The following RABEP2 variants were observed in gnomAD, a reference collection of about 807,000 sequenced individuals.
RABEP2 encodes rab GTPase-binding effector protein 2.
Under a neutral mutation model 74.1 loss-of-function variants are expected in RABEP2, and 57 were observed. The observed-to-expected ratio is 0.77, with a 90% CI of 0.62 to 0.96. RABEP2 has a LOEUF of 0.96. RABEP2 is among the 40% of genes least tolerant of loss of function. RABEP2 has a pLI of 0.00. For synonymous variants in RABEP2, 351 were observed against 344.0 expected (o/e 1.02, Z -0.23); for missense variants, 692 against 756.3 (o/e 0.91, Z 1.00).
At chr16:28,914,901 TC>T in intron 3 of RABEP2, 119 bp from the exon 4 acceptor site, 1 of 780,826 alleles carries the variant, frequency 1.3e-6, no homozygotes, top group Non-Finnish European at 2.1e-6. Flanking sequence ...GAAGGTGCTG[TC>T]CACCCTCATT....
intron 2 of RABEP2, among the ~76,000 whole-genome samples, chr16:28,920,258 G>C (rs1964452639): frequency 6.6e-6 from 1 of 151,732 alleles, no homozygotes; most frequent in South Asian, 2.1e-4. Context: ...AGATGACACA[G>C]GCAAGGTGTC....
chr16:28,920,046 A>C (rs1964449804), intron 2 of RABEP2, 103 bp from the exon 3 acceptor site: 1 of 1,298,208 alleles, frequency 7.7e-7, no homozygotes, highest in African/African-American at 1.5e-5. Context: ...TCTGTGAGAC[A>C]ATCTACCATA....
At chr16:28,910,858 C>A in intron 7 of RABEP2, 30 bp downstream of exon 7, 1 of 1,579,888 alleles carries the variant, frequency 6.3e-7, no homozygotes. Flanking sequence ...GACTCCTCGC[C>A]CTCCTGCCCT....
chr16:28,911,085 T>C lies in RABEP2; in HGVS notation c.989A>G (p.Gln330Arg). ...LRRSNEDCAKQMQVLLAQVQN... is the reference protein window; with the variant it reads ...LRRSNEDCAKRMQVLLAQVQN... ...GCTGCAGCAGCGGCAGGGACCCACC[T>C]GCTTGGCACAGTCCTCATTGCTCCG... The change falls in exon 6 of 13, where the codon CAG becomes CGG. Residue 330 changes from glutamine (Q) to arginine (R), a missense_variant and splice_region_variant. Coordinates refer to ENST00000358201, the MANE Select transcript of RABEP2 (RefSeq NM_024816.3). 3 of 1,613,130 alleles carry C rather than the reference T, an allele frequency of 1.9e-6. No homozygotes were observed. The highest frequency in any genetic ancestry group is 2.5e-6 in the Non-Finnish European group (3 of 1,179,888).
intron 8 of RABEP2, 82 bp from the exon 9 acceptor site, chr16:28,906,278 G>A (rs1418053222): frequency 1.5e-5 from 21 of 1,440,550 alleles, no homozygotes; most frequent in Middle Eastern, 2.6e-4. Context: ...GGGGATTGTC[G>A]GGAGGAACGG....
chr16:28,909,417 A>G (rs1246390916), intron 7 of RABEP2, among the ~76,000 whole-genome samples: 3 of 152,098 alleles, frequency 2.0e-5, no homozygotes, highest in Admixed American at 1.3e-4. Flanking sequence ...GCCAATTCTA[A>G]AAATTAAGAG....
intron 2 of RABEP2, 26 bp from the exon 3 acceptor site, chr16:28,919,969 G>C: frequency 6.5e-7 from 1 of 1,549,830 alleles, no homozygotes; most frequent in East Asian, 2.3e-5. Context: ...GAGGGTGGGA[G>C]AGAGGGAGGG....
Position 28,914,434 on chromosome 16 carries a change from G to A in RABEP2, c.696C>T (p.Ala232=). 3 of 1,613,582 alleles carry A rather than the reference G, an allele frequency of 1.9e-6. No homozygotes were observed. Among genetic ancestry groups the A allele is most frequent in the South Asian group, 2.2e-5 (2 of 91,084 alleles). The stretch of plus-strand genomic sequence containing the variant: ...CGCCAAGGGAGAAGGAGGAGATGGA[G>A]GCGCTGTCATCGCAGTTGTGAGCGA... The part of the protein sequence containing the change: ...EAFAHNCDDS[A]SISSFSLGGG... Residue 232 remains alanine, a synonymous_variant, in exon 5 of 13, where the codon GCC becomes GCT. Coordinates refer to ENST00000358201, the MANE Select transcript of RABEP2 (RefSeq NM_024816.3).
In RABEP2 at chr16:28,905,425, TC is replaced by T; in HGVS notation, c.1579del (p.Asp527IlefsTer13). The stretch of plus-strand genomic sequence containing the variant: ...CAGGGCCTGGGACAGTCGCACGAAA[TC>T]CCTCTGCACCTGCTCACTGGTCTCC... ...ELETSEQVQR[D>X]FVRLSQALQV... is the part of the protein sequence containing the mutation. On this transcript the variant is annotated frameshift_variant, in exon 12 of 13. Coordinates refer to ENST00000358201, the MANE Select transcript of RABEP2 (RefSeq NM_024816.3). LOFTEE classifies it high-confidence loss of function. 1.9e-6 allele frequency: 3 copies of T among 1,607,332 alleles called. No homozygotes were observed. Among genetic ancestry groups the T allele is most frequent in the Non-Finnish European group, 2.5e-6 (3 of 1,177,932 alleles).
rs76895376 is a variant in RABEP2 at position 28,906,922 on chromosome 16, G to T, written c.1246-726C>A. ...TACAGTGAATCGAGATGGTGCCACT[G>T]CACTCCAGCTGGGGCGACAGAGCGA... On this transcript the variant is annotated intron_variant, in intron 8 of 12. Coordinates refer to ENST00000358201, the MANE Select transcript of RABEP2 (RefSeq NM_024816.3). Among the ~76,000 whole-genome samples, 3 of 152,110 alleles carry T rather than the reference G, an allele frequency of 2.0e-5. No individual in the cohort carries two copies. In the East Asian group the frequency reaches 5.8e-4, roughly 29 times the overall value.
At position 28,911,071 on chromosome 16, in the gene RABEP2, G is replaced by A. The variant is rs753771893; in HGVS notation, c.990+13C>T. 2.0e-5 allele frequency: 32 copies of A among 1,612,454 alleles called. No individual in the cohort carries two copies. Among genetic ancestry groups the A allele is most frequent in the African/African-American group, 6.7e-5 (5 of 74,910 alleles). On this transcript the variant is annotated intron_variant, in intron 6 of 12. Transcript: ENST00000358201. Reference sequence around the variant, plus strand: ...AGAGGCCGGCTGGGGCTGCAGCAGCGGCAGGGACCCACCTGCTTGGCACAG... The same window carrying A: ...AGAGGCCGGCTGGGGCTGCAGCAGCAGCAGGGACCCACCTGCTTGGCACAG...
In RABEP2 at chr16:28,905,414, G is replaced by A. The variant is rs1964211076; in HGVS notation, c.1591C>T (p.Leu531=). Reference sequence around the variant, plus strand: ...GGCCATACCTGCAGGGCCTGGGACAGTCGCACGAAATCCCTCTGCACCTGC... The same window carrying A: ...GGCCATACCTGCAGGGCCTGGGACAATCGCACGAAATCCCTCTGCACCTGC... ...SEQVQRDFVR[L]SQALQVRLER... The change falls in exon 12 of 13, where the codon CTG becomes TTG. Residue 531 remains leucine, a synonymous_variant. Transcript: ENST00000358201. The A allele has an allele frequency of 6.2e-7, 1 of 1,606,286 alleles. No homozygotes were observed. Among genetic ancestry groups the A allele is most frequent in the African/African-American group, 1.3e-5 (1 of 74,874 alleles).
chr16:28,908,976 C>A (rs1031215850), intron 7 of RABEP2, among the ~76,000 whole-genome samples: 1 of 150,554 alleles, frequency 6.6e-6, no homozygotes, highest in Non-Finnish European at 1.5e-5. Flanking sequence ...CTGCCAGGGC[C>A]CAAGCCAGAT....
rs768875713 is a variant in RABEP2 at position 28,906,000 on chromosome 16, C to T, written c.1423+19G>A. 56 of 1,608,728 alleles carry T rather than the reference C, an allele frequency of 3.5e-5. No individual in the cohort carries two copies. Among genetic ancestry groups the T allele is most frequent in the Non-Finnish European group, 4.5e-5 (53 of 1,178,162 alleles). ...GGGGCCCTGGGCCCGGGGCTGGGGG[C>T]TTGTGCCCCTCCCCTCACCTGTCTC... On this transcript the variant is annotated intron_variant, in intron 9 of 12. Transcript: ENST00000358201.
At chr16:28,921,692 G>A (rs1487247167) in intron 2 of RABEP2, among the ~76,000 whole-genome samples, 2 of 143,890 alleles carry the variant, frequency 1.4e-5, no homozygotes, top group East Asian at 2.0e-4. Context: ...AGGTTCGGGC[G>A]CTGTGGCTCA....
chr16:28,924,844 G>C (rs1964512870), intron 1 of RABEP2: 3 of 720,858 alleles, frequency 4.2e-6, no homozygotes, highest in East Asian at 5.4e-5. Context: ...TCCTCTCTTC[G>C]GTCCCACCTG....
rs1440556153 is a variant in RABEP2, at chr16:28,905,706, T to C, written c.1489A>G (p.Lys497Glu). The stretch of plus-strand genomic sequence containing the variant: ...AGTCCCCCTGCCCTCCCCCTCACCT[T>C]GCTCTGTTCCTGCTGCACCCGCTCC... ...EMERVQQEQS[K>E]AQLPDLLSEQ... Residue 497 changes from lysine (K) to glutamate (E), a missense_variant and splice_region_variant, in exon 11 of 13, where the codon AAG becomes GAG. Coordinates refer to ENST00000358201, the MANE Select transcript of RABEP2 (RefSeq NM_024816.3). 1 of 1,613,726 alleles carries C rather than the reference T, an allele frequency of 6.2e-7. No homozygotes were observed. The highest frequency in any genetic ancestry group is 1.3e-5 in the African/African-American group (1 of 74,916).
At chr16:28,925,071 T>C in intron 1 of RABEP2, 32 bp downstream of exon 1, 1 of 1,535,466 alleles carries the variant, frequency 6.5e-7, no homozygotes, top group Non-Finnish European at 8.7e-7. Flanking sequence ...AGCATCACCG[T>C]TCCCCGCTTG....
chr16:28,904,679 C>T lies in RABEP2; in HGVS notation c.*264G>A, dbSNP rs544457202. 1.7e-3 allele frequency: 1,140 copies of T among 673,922 alleles called. 10 individuals carry two copies. The African/African-American group carries it at 0.019, about 11-fold the overall frequency. 41.7% of individuals were successfully genotyped at this position (673,922 alleles called of 1,614,324 possible). ...TGGAGCCCAGGAGGCAGCACAGCAGCCAGAAAGCCGCAGGCCTGAGCCTGC... is the reference window on the plus strand; with the variant it reads ...TGGAGCCCAGGAGGCAGCACAGCAGTCAGAAAGCCGCAGGCCTGAGCCTGC... On this transcript the variant is annotated 3_prime_UTR_variant, in exon 13 of 13. Transcript: ENST00000358201.
Sources: allele counts gnomAD v4.1 joint callset (sites outside exome capture counted in the v4.1 genomes callset), GRCh38; gene constraint gnomAD v4.1.1; transcripts MANE v1.5; gene names NCBI Gene and HGNC (gene_info 2026-07-23, HGNC 2026-07-21).